The following TAS2R4 variants were observed in gnomAD, a reference collection of about 807,000 sequenced individuals.
TAS2R4 encodes taste receptor type 2 member 4.
A neutral mutation model predicts 14.3 loss-of-function variants in TAS2R4; 18 were observed. The observed-to-expected ratio is 1.26, with a 90% CI of 0.87 to 1.86. The LOEUF (loss-of-function observed/expected upper bound fraction) is 1.86. Ranked by LOEUF, TAS2R4 falls within the 40% of genes most tolerant of loss-of-function variation. The pLI is 0.00. For synonymous variants in TAS2R4, 130 were observed against 138.5 expected, an observed-to-expected ratio of 0.94 and a Z score of 0.43; for missense variants, 306 against 342.7, an observed-to-expected ratio of 0.89 and a Z score of 0.85.
rs1800263011 is a variant in TAS2R4 at position 141,777,857 on chromosome 7, T to C, written c.-632T>C. Among the ~76,000 whole-genome samples, 3 of 152,016 alleles carry C rather than the reference T, an allele frequency of 2.0e-5. No homozygotes were observed. In the South Asian group the frequency reaches 6.2e-4, roughly 32 times the overall value. On this transcript the variant is annotated 5_prime_UTR_variant, in exon 1 of 1. Coordinates refer to ENST00000247881, the MANE Select transcript of TAS2R4 (RefSeq NM_016944.2). The stretch of plus-strand genomic sequence containing the variant: ...AAAGAATGGGATTAATTGAGAAAGG[T>C]TTTCTCAAGGAGGTATTGGGTCTTT...
In TAS2R4 at chr7:141,779,379, C is replaced by CA. The variant is rs749747463; in HGVS notation, c.897dup (p.Ter300IlefsTer6). 5.0e-6 allele frequency: 8 copies of CA among 1,590,010 alleles called. No individual in the cohort carries two copies. Among genetic ancestry groups the CA allele is most frequent in the Middle Eastern group, 1.7e-4 (1 of 5,936 alleles). On this transcript the variant is annotated frameshift_variant, in exon 1 of 1. Transcript: ENST00000247881. LOFTEE classifies it high-confidence loss of function. ...CAACAGCAAAGAAGATTCTTTGTTT[C>CA]AAAAAATAGTGGAATTTCAGTAAAC...
rs183819714 is a variant in TAS2R4 at position 141,778,278 on chromosome 7, A to G, written c.-211A>G. On this transcript the variant is annotated 5_prime_UTR_variant, in exon 1 of 1. It adds an upstream start codon to the 5' untranslated region. Transcript: ENST00000247881. ...TAGGCATTTCTAAGGAGAACAGGAT[A>G]CTAATGAAGAAATAGTAATGTAATC... is the stretch of plus-strand genomic sequence containing the variant. Among the ~76,000 whole-genome samples, 280 of 152,302 alleles carry G rather than the reference A, an allele frequency of 1.8e-3. 2 individuals carry two copies. The highest frequency in any genetic ancestry group is 6.0e-3 in the African/African-American group (249 of 41,570).
Position 141,778,419 on chromosome 7 carries a change from C to G in TAS2R4, c.-70C>G. ...CTTCCTGGCTGGATACTGGTGTCTGCTTATACATTTTGGTATTTCTTCTGC... is the reference window on the plus strand; with the variant it reads ...CTTCCTGGCTGGATACTGGTGTCTGGTTATACATTTTGGTATTTCTTCTGC... On this transcript the variant is annotated 5_prime_UTR_variant, in exon 1 of 1. Coordinates refer to ENST00000247881, the MANE Select transcript of TAS2R4 (RefSeq NM_016944.2). 1 of 1,416,914 alleles carries G rather than the reference C, an allele frequency of 7.1e-7. No homozygotes were observed. Among genetic ancestry groups the G allele is most frequent in the Non-Finnish European group, 9.6e-7 (1 of 1,039,196 alleles). The allele number at this position is 1,416,914 out of a possible 1,614,324, so 87.8% of individuals were successfully genotyped here. A position where few individuals can be genotyped will look rare whatever the true frequency, so the allele number is the denominator to read the frequency against.
At position 141,779,790 on chromosome 7, in the gene TAS2R4, G is replaced by A. The variant is rs1800298065; in HGVS notation, c.*402G>A. On this transcript the variant is annotated 3_prime_UTR_variant, in exon 1 of 1. Transcript: ENST00000247881. ...AGCCCTGAGTAAGGGCTCAGCAGTG[G>A]ATAGGTGGTCACTGGGAGCCACTGG... The A allele has an allele frequency of 5.8e-6, 1 of 172,106 alleles. No homozygotes were observed. Among genetic ancestry groups the A allele is most frequent in the Admixed American group, 5.7e-5 (1 of 17,638 alleles). The allele number at this position is 172,106 out of a possible 1,614,324, so 10.7% of individuals were successfully genotyped here. A position where few individuals can be genotyped will look rare whatever the true frequency, so the allele number is the denominator to read the frequency against.
rs746576952 is a variant in TAS2R4, at chr7:141,778,614, C to T, written c.126C>T (p.Ser42=). 6.2e-7 allele frequency: 1 copy of T among 1,614,118 alleles called. No individual in the cohort carries two copies. Among genetic ancestry groups the T allele is most frequent in the South Asian group, 1.1e-5 (1 of 91,082 alleles). ...CTTGGGTCAAAAGCCATAGAATCTC[C>T]TCTTCTGATAGGATTCTGTTCAGCC... is the stretch of plus-strand genomic sequence containing the variant. ...CKTWVKSHRI[S]SSDRILFSLG... The change falls in exon 1 of 1, where the codon TCC becomes TCT. Residue 42 remains serine (S), a synonymous_variant. Coordinates refer to ENST00000247881, the MANE Select transcript of TAS2R4 (RefSeq NM_016944.2).
At position 141,777,813 on chromosome 7, in the gene TAS2R4, G is replaced by A. The variant is rs1800262463; in HGVS notation, c.-676G>A. Among the ~76,000 whole-genome samples the A allele has an allele frequency of 2.3e-5, 3 of 130,694 alleles. No individual in the cohort carries two copies. The highest frequency in any genetic ancestry group is 8.0e-5 in the Admixed American group (1 of 12,502). The allele number at this position is 130,694 out of a possible 152,430, so 85.7% of individuals were successfully genotyped here. A position where few individuals can be genotyped will look rare whatever the true frequency, so the allele number is the denominator to read the frequency against. On this transcript the variant is annotated 5_prime_UTR_variant, in exon 1 of 1. Coordinates refer to ENST00000247881, the MANE Select transcript of TAS2R4 (RefSeq NM_016944.2). ...AAATCTATGTATGTAGATAGAGAAG[G>A]CAAAGCAAAGGGCATCAGAAAGAAT...
rs1382915060 is a variant in TAS2R4 at position 141,778,728 on chromosome 7, G to C, written c.240G>C (p.Leu80=). The C allele has an allele frequency of 2.5e-6, 4 of 1,614,176 alleles. No homozygotes were observed. The African/African-American group carries it at 4.0e-5, about 16-fold the overall frequency. Residue 80 remains leucine (L), a synonymous_variant, in exon 1 of 1, where the codon CTG becomes CTC. Coordinates refer to ENST00000247881, the MANE Select transcript of TAS2R4 (RefSeq NM_016944.2). ...CAAATACGGAAAGGTCAGTCTACCTGTCTGCTTTTTTTGTGTTGTGTTTCA... is the reference window on the plus strand; with the variant it reads ...CAAATACGGAAAGGTCAGTCTACCTCTCTGCTTTTTTTGTGTTGTGTTTCA... ...VSSNTERSVY[L]SAFFVLCFMF... is the part of the protein sequence containing the mutation.
chr7:141,777,404 T>G lies in TAS2R4; in HGVS notation c.-1085T>G, dbSNP rs1275814851. On this transcript the variant is annotated 5_prime_UTR_variant, in exon 1 of 1. Coordinates refer to ENST00000247881, the MANE Select transcript of TAS2R4 (RefSeq NM_016944.2). Reference sequence around the variant, plus strand: ...GGCAGTAGGACTTTGTGCTGTACCTTGATGCTACTTTGGTAACATCTGTGG... The same window carrying G: ...GGCAGTAGGACTTTGTGCTGTACCTGGATGCTACTTTGGTAACATCTGTGG... Among the ~76,000 whole-genome samples the G allele has an allele frequency of 1.3e-5, 2 of 152,220 alleles. No homozygotes were observed. The highest frequency in any genetic ancestry group is 4.8e-5 in the African/African-American group (2 of 41,456).
rs760571157 is a variant in TAS2R4 at position 141,779,252 on chromosome 7, C to T, written c.764C>T (p.Ala255Val). 7.3e-5 allele frequency: 118 copies of T among 1,614,080 alleles called. No individual in the cohort carries two copies. Among genetic ancestry groups the T allele is most frequent in the Non-Finnish European group, 9.8e-5 (116 of 1,180,042 alleles). Reference sequence around the variant, plus strand: ...CTGGTCCAGTATCTCCCCTTTTATGCAGGGATGGATATGGGGACCAAATCC... The same window carrying T: ...CTGGTCCAGTATCTCCCCTTTTATGTAGGGATGGATATGGGGACCAAATCC... ...ATLVQYLPFY[A>V]GMDMGTKSIC... The change falls in exon 1 of 1, where the codon GCA becomes GTA. Residue 255 changes from alanine to valine, a missense_variant. By Grantham distance (64) the Ala-to-Val change is moderately conservative. Transcript: ENST00000247881.
chr7:141,778,401 G>C lies in TAS2R4; in HGVS notation c.-88G>C, dbSNP rs887762285. Reference sequence around the variant, plus strand: ...AATTAAAAAGGAGATGTCCTTCCTGGCTGGATACTGGTGTCTGCTTATACA... The same window carrying C: ...AATTAAAAAGGAGATGTCCTTCCTGCCTGGATACTGGTGTCTGCTTATACA... On this transcript the variant is annotated 5_prime_UTR_variant, in exon 1 of 1. Coordinates refer to ENST00000247881, the MANE Select transcript of TAS2R4 (RefSeq NM_016944.2). The C allele has an allele frequency of 2.4e-6, 3 of 1,263,554 alleles. No homozygotes were observed. Among genetic ancestry groups the C allele is most frequent in the Non-Finnish European group, 3.3e-6 (3 of 916,738 alleles). The allele number at this position is 1,263,554 out of a possible 1,614,324, so 78.3% of individuals were successfully genotyped here. A position where few individuals can be genotyped will look rare whatever the true frequency, so the allele number is the denominator to read the frequency against.
Position 141,779,096 on chromosome 7 carries a change from TGAG to T in TAS2R4, c.612_614del (p.Arg205del). 6.2e-7 allele frequency: 1 copy of T among 1,614,216 alleles called. No individual in the cohort carries two copies. Among genetic ancestry groups the T allele is most frequent in the Non-Finnish European group, 8.5e-7 (1 of 1,180,036 alleles). ...TCTGCTTCCTTGCTAATACACTCCT[TGAG>T]GAGACATATACAGAAGATGCAGAAA... On this transcript the variant is annotated inframe_deletion, in exon 1 of 1. Coordinates refer to ENST00000247881, the MANE Select transcript of TAS2R4 (RefSeq NM_016944.2).
Position 141,779,287 on chromosome 7 carries a change from A to G in TAS2R4, c.799A>G (p.Ile267Val). The G allele has an allele frequency of 6.2e-7, 1 of 1,614,126 alleles. No individual in the cohort carries two copies. Among genetic ancestry groups the G allele is most frequent in the Non-Finnish European group, 8.5e-7 (1 of 1,180,006 alleles). Residue 267 changes from isoleucine to valine, a missense_variant, in exon 1 of 1, where the codon ATT becomes GTT. Physicochemically the swap from Ile to Val is conservative, Grantham distance 29 (BLOSUM62 3). Transcript: ENST00000247881. ...MDMGTKSICL[I>V]FATLYSPGHS... Reference sequence around the variant, plus strand: ...TATGGGGACCAAATCCATTTGTCTGATTTTTGCCACCCTTTACTCTCCAGG... The same window carrying G: ...TATGGGGACCAAATCCATTTGTCTGGTTTTTGCCACCCTTTACTCTCCAGG...
In TAS2R4 at chr7:141,778,734, T is replaced by G. The variant is rs1009009822; in HGVS notation, c.246T>G (p.Ala82=). The change falls in exon 1 of 1, where the codon GCT becomes GCG. Residue 82 remains alanine (A), a synonymous_variant. Transcript: ENST00000247881. The stretch of plus-strand genomic sequence containing the variant: ...CGGAAAGGTCAGTCTACCTGTCTGC[T>G]TTTTTTGTGTTGTGTTTCATGTTTT... ...SNTERSVYLS[A]FFVLCFMFLD... The G allele has an allele frequency of 6.2e-7, 1 of 1,614,090 alleles. No individual in the cohort carries two copies. Among genetic ancestry groups the G allele is most frequent in the African/African-American group, 1.3e-5 (1 of 74,926 alleles).
rs956540253 is a variant in TAS2R4 at position 141,777,520 on chromosome 7, A to G, written c.-969A>G. On this transcript the variant is annotated 5_prime_UTR_variant, in exon 1 of 1. It adds an upstream start codon to the 5' untranslated region. Coordinates refer to ENST00000247881, the MANE Select transcript of TAS2R4 (RefSeq NM_016944.2). ...ACATTCACCTATGGGCCTCCATAAT[A>G]TCATTTGCCAGGGATATTTTGCCAT... 2.0e-5 allele frequency among the ~76,000 whole-genome samples: 3 copies of G among 152,162 alleles called. No individual in the cohort carries two copies. The highest frequency in any genetic ancestry group is 2.0e-4 in the Admixed American group (3 of 15,272).
rs765066877 is a variant in TAS2R4 at position 141,778,531 on chromosome 7, AT to A, written c.47del (p.Leu16Ter). On this transcript the variant is annotated frameshift_variant, in exon 1 of 1. Coordinates refer to ENST00000247881, the MANE Select transcript of TAS2R4 (RefSeq NM_016944.2). LOFTEE classifies it high-confidence loss of function. ...TTTCTCTGCTATTATTGCCTCAGTT[AT>A]TTTAAATTTTGTAGGAATCATTATG... The part of the protein sequence containing the change: ...FYFSAIIASV[I>X]LNFVGIIMNL... The A allele has an allele frequency of 6.2e-7, 1 of 1,613,904 alleles. No homozygotes were observed. The highest frequency in any genetic ancestry group is 2.2e-5 in the East Asian group (1 of 44,882).
rs754168025 is a variant in TAS2R4, at chr7:141,778,833, C to T, written c.345C>T (p.His115=). ...LYCVKITNFQ[H]SVFLLLKRNI... is the part of the protein sequence containing the mutation. ...GTGTGAAGATTACTAACTTCCAACA[C>T]TCAGTGTTTCTCCTGCTGAAGCGGA... The change falls in exon 1 of 1, where the codon CAC becomes CAT. Residue 115 remains histidine (H), a synonymous_variant. Transcript: ENST00000247881. 6.2e-6 allele frequency: 10 copies of T among 1,614,096 alleles called. No individual in the cohort carries two copies. In the South Asian group the frequency reaches 1.1e-4, roughly 18 times the overall value.
rs963108822 is a variant in TAS2R4, at chr7:141,778,250, A to G, written c.-239A>G. ...TCCCAGCATCACCTAGGCTTGCTGT[A>G]ATTAGGCATTTCTAAGGAGAACAGG... On this transcript the variant is annotated 5_prime_UTR_variant, in exon 1 of 1. Transcript: ENST00000247881. Among the ~76,000 whole-genome samples the G allele has an allele frequency of 1.4e-4, 21 of 152,128 alleles. No individual in the cohort carries two copies. Among genetic ancestry groups the G allele is most frequent in the African/African-American group, 5.1e-4 (21 of 41,422 alleles).
rs1000367134 is a variant in TAS2R4, at chr7:141,777,657, A to G, written c.-832A>G. On this transcript the variant is annotated 5_prime_UTR_variant, in exon 1 of 1. Transcript: ENST00000247881. ...ATCTCATTCCAGGGTACCTGGATTG[A>G]CAGTTAAATGCCTAAGAGAAAATAG... Among the ~76,000 whole-genome samples, 6 of 152,204 alleles carry G rather than the reference A, an allele frequency of 3.9e-5. No homozygotes were observed. The highest frequency in any genetic ancestry group is 1.4e-4 in the African/African-American group (6 of 41,450).
In TAS2R4 at chr7:141,780,146, T is replaced by C. The variant is rs1396304571; in HGVS notation, c.*758T>C. Reference sequence around the variant, plus strand: ...TGGCTTCAACCCAGGAGGCGGAGCTTGCAGTGAGATGAGATCGCGCCACTG... The same window carrying C: ...TGGCTTCAACCCAGGAGGCGGAGCTCGCAGTGAGATGAGATCGCGCCACTG... On this transcript the variant is annotated 3_prime_UTR_variant, in exon 1 of 1. Coordinates refer to ENST00000247881, the MANE Select transcript of TAS2R4 (RefSeq NM_016944.2). 1 of 152,346 alleles carries C rather than the reference T, an allele frequency of 6.6e-6. No homozygotes were observed. The highest frequency in any genetic ancestry group is 1.5e-5 in the Non-Finnish European group (1 of 68,244). 9.4% of individuals were successfully genotyped at this position (152,346 alleles called of 1,614,324 possible).
Sources: allele counts gnomAD v4.1 joint callset (sites outside exome capture counted in the v4.1 genomes callset), GRCh38; gene constraint gnomAD v4.1.1; transcripts MANE v1.5; gene names NCBI Gene and HGNC (gene_info 2026-07-23, HGNC 2026-07-21).